Variants in CSMD1 observed in about 807,000 individuals in gnomAD.
CSMD1 encodes the protein CUB and Sushi multiple domains 1, also known as CUB and sushi domain-containing protein 1.
Under a neutral mutation model 417.5 loss-of-function variants are expected in CSMD1, and 213 were observed. The ratio of observed to expected loss-of-function variants is 0.51; its 90% CI spans 0.46 to 0.57. The LOEUF (loss-of-function observed/expected upper bound fraction) is 0.57, where lower values mean the gene tolerates loss of function less well. Ranked by LOEUF, CSMD1 falls within the 20% of genes least tolerant of loss-of-function variation. CSMD1 has a pLI of 0.00. For synonymous variants in CSMD1, 2,862 were observed against 1,736.8 expected, an observed-to-expected ratio of 1.65 and a Z score of -16.11; for missense variants, 6,923 against 4,529.7, an observed-to-expected ratio of 1.53 and a Z score of -15.17.
intron 42 of CSMD1, among the ~76,000 whole-genome samples, chr8:3,115,590 T>C (rs1000433917): frequency 6.6e-6 from 1 of 152,254 alleles, no homozygotes; most frequent in African/African-American, 2.4e-5. Flanking sequence ...ATTTCTCAGA[T>C]AACTTTCAGA....
At chr8:3,461,029 A>G (rs1816466862) in intron 12 of CSMD1, among the ~76,000 whole-genome samples, 1 of 152,128 alleles carries the variant, frequency 6.6e-6, no homozygotes, top group Admixed American at 6.5e-5. Flanking sequence ...CGTTGAGAGG[A>G]TATTTGAATT....
intron 33 of CSMD1, among the ~76,000 whole-genome samples, chr8:3,193,768 T>G (rs886568242): frequency 2.6e-5 from 4 of 152,174 alleles, no homozygotes; most frequent in Non-Finnish European, 4.4e-5. Context: ...TCTGGGGCTT[T>G]GAGGTGCTGA....
intron 5 of CSMD1, among the ~76,000 whole-genome samples, chr8:3,944,456 G>C (rs918669955): frequency 3.3e-5 from 5 of 151,820 alleles, no homozygotes; most frequent in Admixed American, 6.6e-5. Flanking sequence ...TTCTAGTTTT[G>C]GTTTTTTTTC....
At chr8:3,283,903 C>T (rs1802935510) in intron 26 of CSMD1, among the ~76,000 whole-genome samples, 1 of 152,254 alleles carries the variant, frequency 6.6e-6, no homozygotes, top group African/African-American at 2.4e-5. Context: ...GCAAAATGCA[C>T]ATCAAATGAG....
At chr8:4,181,011 G>A (rs189835316) in intron 3 of CSMD1, among the ~76,000 whole-genome samples, 17 of 152,058 alleles carry the variant, frequency 1.1e-4, no homozygotes, top group Admixed American at 5.2e-4. Flanking sequence ...TGGAATAAAA[G>A]CAAAAAAGTC....
At chr8:3,424,735 C>T (rs1193726938) in intron 12 of CSMD1, among the ~76,000 whole-genome samples, 1 of 152,200 alleles carries the variant, frequency 6.6e-6, no homozygotes, top group African/African-American at 2.4e-5. Context: ...ATTATCAGGT[C>T]AACTGTCAAG....
intron 47 of CSMD1, among the ~76,000 whole-genome samples, chr8:3,092,402 C>T (rs531227608): frequency 3.2e-4 from 48 of 152,072 alleles, no homozygotes; most frequent in African/African-American, 1.0e-3. Flanking sequence ...TATCTGTGGA[C>T]GATAGATACA....
At chr8:4,540,466 G>C (rs1467811721) in intron 2 of CSMD1, among the ~76,000 whole-genome samples, 2 of 152,182 alleles carry the variant, frequency 1.3e-5, no homozygotes, top group Non-Finnish European at 2.9e-5. Flanking sequence ...ACTTAGGGGA[G>C]GCTGAGGCAG....
At chr8:3,892,581 G>C (rs1005502706) in intron 5 of CSMD1, among the ~76,000 whole-genome samples, 3 of 151,926 alleles carry the variant, frequency 2.0e-5, no homozygotes, top group Admixed American at 1.3e-4. Context: ...AGTAAAACCA[G>C]TTAAATCTGT....
At chr8:3,208,135 C>T (rs963535962) in intron 30 of CSMD1, among the ~76,000 whole-genome samples, 3 of 152,250 alleles carry the variant, frequency 2.0e-5, no homozygotes, top group Middle Eastern at 3.4e-3. Flanking sequence ...ACATACAATT[C>T]AAACATATCA....
chr8:4,236,182 G>A (rs1405609612), intron 3 of CSMD1, among the ~76,000 whole-genome samples: 1 of 151,924 alleles, frequency 6.6e-6, no homozygotes, highest in East Asian at 1.9e-4. Context: ...AAATGCCACG[G>A]ACAACACATG....
At chr8:4,442,308 G>T (rs1248279146) in intron 2 of CSMD1, among the ~76,000 whole-genome samples, 1 of 152,036 alleles carries the variant, frequency 6.6e-6, no homozygotes, top group Non-Finnish European at 1.5e-5. Flanking sequence ...GAAAAGAAAT[G>T]AACACAAAGT....
intron 41 of CSMD1, 93 bp from the exon 42 acceptor site, chr8:3,118,680 G>A: frequency 8.9e-7 from 1 of 1,127,228 alleles, no homozygotes; most frequent in Non-Finnish European, 1.3e-6. Context: ...GACTGCTTGA[G>A]ATGAAGTTGT....
rs747667934 is a variant in CSMD1, at chr8:3,307,703, C to A, written c.3942G>T (p.Lys1314Asn). ...CTWIIEADPG[K>N]TISLHFIVFD... ...CAAAATAAAACAAGTACCTAATGGTCTTTCCTGGGTCTGCCTCTATAATCC... is the reference window on the plus strand; with the variant it reads ...CAAAATAAAACAAGTACCTAATGGTATTTCCTGGGTCTGCCTCTATAATCC... The change falls in exon 25 of 70, where the codon AAG becomes AAT. Residue 1314 changes from lysine to asparagine, a missense_variant. Lys to Asn is a moderately conservative substitution (Grantham distance 94). Coordinates refer to ENST00000635120, the MANE Select transcript of CSMD1 (RefSeq NM_033225.6). The A allele has an allele frequency of 1.9e-6, 3 of 1,613,038 alleles. No individual in the cohort carries two copies. The African/African-American group carries it at 4.0e-5, about 22-fold the overall frequency.
At chr8:4,541,102 G>C (rs137874977) in intron 2 of CSMD1, among the ~76,000 whole-genome samples, 182 of 152,268 alleles carry the variant, frequency 1.2e-3, no homozygotes, top group South Asian at 8.9e-3. Flanking sequence ...CTATTGTCTG[G>C]AGAGTTGAGA....
At chr8:4,805,549 C>T (rs1320282047) in intron 1 of CSMD1, among the ~76,000 whole-genome samples, 6 of 152,146 alleles carry the variant, frequency 3.9e-5, no homozygotes, top group Non-Finnish European at 8.8e-5. Flanking sequence ...TTAACCTTCC[C>T]CTCTCACTTG....
chr8:2,956,750 C>T (rs919251214), intron 63 of CSMD1, among the ~76,000 whole-genome samples: 1 of 152,062 alleles, frequency 6.6e-6, no homozygotes, highest in African/African-American at 2.4e-5. Flanking sequence ...GCCAGCATGC[C>T]CAGCCAAGTT....
At chr8:4,824,863 G>C (rs1255505849) in intron 1 of CSMD1, among the ~76,000 whole-genome samples, 1 of 152,104 alleles carries the variant, frequency 6.6e-6, no homozygotes, top group East Asian at 1.9e-4. Context: ...CAAGTGAAAT[G>C]TCATTGTAAT....
At chr8:4,772,554 A>G (rs896501571) in intron 1 of CSMD1, among the ~76,000 whole-genome samples, 1 of 152,194 alleles carries the variant, frequency 6.6e-6, no homozygotes, top group African/African-American at 2.4e-5. Flanking sequence ...TAGCAGTCAC[A>G]TATGTCTTAA....
Sources: allele counts gnomAD v4.1 joint callset (sites outside exome capture counted in the v4.1 genomes callset), GRCh38; gene constraint gnomAD v4.1.1; transcripts MANE v1.5; gene names NCBI Gene and HGNC (gene_info 2026-07-23, HGNC 2026-07-21).